The following MAOA variants were observed in gnomAD, a reference collection of about 807,000 sequenced individuals.
MAOA encodes monoamine oxidase A.
Under a neutral mutation model 42.0 loss-of-function variants are expected in MAOA, and 6 were observed. The ratio of observed to expected loss-of-function variants is 0.14; its 90% CI spans 0.08 to 0.28. The LOEUF (loss-of-function observed/expected upper bound fraction) is 0.28, where lower values mean the gene tolerates loss of function less well. Among genes scored for constraint, MAOA ranks in the 10% least tolerant of loss-of-function variants. The pLI is 1.00. For synonymous variants in MAOA, 140 were observed against 154.0 expected (o/e 0.91, Z 0.67); for missense variants, 262 against 422.3 (o/e 0.62, Z 3.33).
chrX:43,740,606 A>G, intron 10 of MAOA, 75 bp from the exon 11 acceptor site: 1 of 897,129 alleles, frequency 1.1e-6, no homozygotes, highest in Non-Finnish European at 1.5e-6. Context: ...TCTAGAACTC[A>G]CTGTATTTAT....
intron 1 of MAOA, among the ~76,000 whole-genome samples, chrX:43,665,420 C>T (rs912797058): frequency 4.5e-5 from 5 of 110,953 alleles, no homozygotes; most frequent in Non-Finnish European, 7.6e-5. Flanking sequence ...ACTCATGTTC[C>T]GTAAAACATT....
intron 5 of MAOA, among the ~76,000 whole-genome samples, chrX:43,717,332 G>A (rs2147096693): frequency 9.0e-6 from 1 of 111,320 alleles, no homozygotes; most frequent in East Asian, 2.9e-4. Context: ...AGTCACACTG[G>A]TGGTGGCGGA....
intron 1 of MAOA, among the ~76,000 whole-genome samples, chrX:43,674,634 C>G (rs1474625965): frequency 1.8e-5 from 2 of 111,216 alleles, no homozygotes; most frequent in Middle Eastern, 4.6e-3. Context: ...TCTTTTAGGG[C>G]AGGCCTGGTG....
At chrX:43,731,163 T>C in intron 6 of MAOA, 78 bp from the exon 7 acceptor site, 1 of 1,040,981 alleles carries the variant, frequency 9.6e-7, no homozygotes, top group Admixed American at 2.2e-5. Context: ...TTCTGGAGGT[T>C]TTCTAATCAG....
intron 11 of MAOA, 66 bp from the exon 12 acceptor site, chrX:43,741,884 T>C: frequency 8.3e-7 from 1 of 1,200,548 alleles, no homozygotes; most frequent in Non-Finnish European, 1.1e-6. Flanking sequence ...AAAGCAACGA[T>C]ATTATTGACT....
At chrX:43,676,014 G>A (rs964439817) in intron 1 of MAOA, among the ~76,000 whole-genome samples, 12 of 112,344 alleles carry the variant, frequency 1.1e-4, no homozygotes, top group Non-Finnish European at 7.5e-5. Flanking sequence ...GGTTACTGCT[G>A]TCTTTTTGTT....
chrX:43,681,282 T>C (rs1471418558), intron 1 of MAOA, among the ~76,000 whole-genome samples: 1 of 110,667 alleles, frequency 9.0e-6, no homozygotes, highest in African/African-American at 3.3e-5. Context: ...CTAAGAAATA[T>C]TTTTTTTTAA....
chrX:43,676,760 A>T (rs897367601), intron 1 of MAOA, among the ~76,000 whole-genome samples: 1 of 101,523 alleles, frequency 9.8e-6, no homozygotes, highest in African/African-American at 4.3e-5. Flanking sequence ...ATTAAATAAC[A>T]TACAAAAAAT....
intron 1 of MAOA, among the ~76,000 whole-genome samples, chrX:43,678,738 G>T (rs976805731): frequency 2.7e-5 from 3 of 111,695 alleles, no homozygotes; most frequent in Non-Finnish European, 3.8e-5. Flanking sequence ...ATAATTTTTA[G>T]GTTTTGCCAT....
At chrX:43,666,040 G>A in intron 1 of MAOA, among the ~76,000 whole-genome samples, 1 of 111,910 alleles carries the variant, frequency 8.9e-6, no homozygotes, top group South Asian at 3.7e-4. Context: ...ATGTTTCTTA[G>A]TTGCTTGAGA....
Position 43,743,876 on chromosome X carries a change from G to A in MAOA, c.1345G>A (p.Val449Ile). 1 of 1,172,024 alleles carries A rather than the reference G, an allele frequency of 8.5e-7. No homozygotes were observed. The change falls in exon 13 of 15, where the codon GTT becomes ATT. Residue 449 changes from valine (V) to isoleucine (I), a missense_variant. Val to Ile is a conservative substitution (Grantham distance 29). Around this residue, in one of 3 missense-constraint regions of MAOA, gnomAD observed 86 missense variants for 190.3 expected, o/e 0.45. Coordinates refer to ENST00000338702, the MANE Select transcript of MAOA (RefSeq NM_000240.4). Reference sequence around the variant, plus strand: ...GTGGAGCGGCTACATGGAAGGGGCAGTTGAGGCTGGAGAACGAGCAGCTAG... The same window carrying A: ...GTGGAGCGGCTACATGGAAGGGGCAATTGAGGCTGGAGAACGAGCAGCTAG... ...TKWSGYMEGA[V>I]EAGERAAREV... is the part of the protein sequence containing the mutation.
intron 1 of MAOA, among the ~76,000 whole-genome samples, chrX:43,665,409 G>A (rs1461536163): frequency 9.0e-6 from 1 of 111,052 alleles, no homozygotes; most frequent in Non-Finnish European, 1.9e-5. Context: ...CTTTCTTGAG[G>A]ACTCATGTTC....
rs769121201 is a variant in MAOA at position 43,731,859 on chromosome X, C to G, written c.955+6C>G. The G allele has an allele frequency of 4.2e-6, 5 of 1,196,591 alleles. No homozygotes were observed. Among genetic ancestry groups the G allele is most frequent in the Non-Finnish European group, 5.7e-6 (5 of 881,751 alleles). On this transcript the variant is annotated splice_donor_region_variant and intron_variant, in intron 8 of 14. Transcript: ENST00000338702. ...GGCCTTCTGGAAGAAGAAGGGTAGG[C>G]TGCTATTATTCATGTTTAAACTGTA...
At chrX:43,678,230 G>A (rs764870257) in intron 1 of MAOA, among the ~76,000 whole-genome samples, 1 of 111,302 alleles carries the variant, frequency 9.0e-6, no homozygotes, top group East Asian at 2.8e-4. Context: ...CTTATCATGC[G>A]GGTGGGGAGT....
intron 5 of MAOA, among the ~76,000 whole-genome samples, chrX:43,716,536 G>T (rs1386671393): frequency 9.0e-6 from 1 of 110,552 alleles, no homozygotes; most frequent in Admixed American, 9.6e-5. Flanking sequence ...TGAGGGAGTG[G>T]TATCATCCCC....
intron 1 of MAOA, among the ~76,000 whole-genome samples, chrX:43,672,648 C>A (rs1161643522): frequency 9.0e-6 from 1 of 111,693 alleles, no homozygotes; most frequent in Non-Finnish European, 1.9e-5. Context: ...GAGTTTTTAG[C>A]ATGAAGTGTT....
chrX:43,680,699 T>C (rs2033435888), intron 1 of MAOA, among the ~76,000 whole-genome samples: 1 of 111,337 alleles, frequency 9.0e-6, no homozygotes, highest in African/African-American at 3.3e-5. Context: ...GCTAGATCCA[T>C]TAATTCATTA....
At chrX:43,714,300 T>C (rs1330461908) in intron 5 of MAOA, among the ~76,000 whole-genome samples, 1 of 109,497 alleles carries the variant, frequency 9.1e-6, no homozygotes, top group Non-Finnish European at 1.9e-5. Context: ...CCACAGGGAT[T>C]AGGGGGAGAT....
intron 1 of MAOA, among the ~76,000 whole-genome samples, chrX:43,676,070 G>A (rs1480868161): frequency 2.7e-5 from 3 of 112,356 alleles, no homozygotes; most frequent in South Asian, 3.6e-4. Context: ...AGGCAGGCAG[G>A]CCTCCTTGAG....
Sources: allele counts gnomAD v4.1 joint callset (sites outside exome capture counted in the v4.1 genomes callset), GRCh38; gene constraint gnomAD v4.1.1; regional missense constraint gnomAD v4.1.1; transcripts MANE v1.5; gene names NCBI Gene and HGNC (gene_info 2026-07-23, HGNC 2026-07-21).